Variants in COL17A1 observed in about 807,000 individuals in gnomAD.
COL17A1 encodes the protein collagen alpha-1(XVII) chain.
Under a neutral mutation model 218.4 loss-of-function variants are expected in COL17A1, and 181 were observed. The observed-to-expected ratio is 0.83, with a 90% CI of 0.73 to 0.94. The LOEUF is 0.94. Ranked by LOEUF, COL17A1 falls within the 40% of genes least tolerant of loss-of-function variation. The pLI, the probability that COL17A1 is intolerant of heterozygous loss-of-function variation, is 0.00. For synonymous variants in COL17A1, 721 were observed against 731.0 expected (o/e 0.99, Z 0.22); for missense variants, 1,924 against 1,945.9 (o/e 0.99, Z 0.21).
rs371579732 is a variant in COL17A1, at chr10:104,040,811, T to TCTCCCTGG, written c.2701+246_2701+253dup. Among the ~76,000 whole-genome samples, 256 of 152,242 alleles carry TCTCCCTGG rather than the reference T, an allele frequency of 1.7e-3. 2 individuals carry two copies. The highest frequency in any genetic ancestry group is 6.0e-3 in the African/African-American group (248 of 41,528). On this transcript the variant is annotated intron_variant, in intron 39 of 55. Coordinates refer to ENST00000648076, the MANE Select transcript of COL17A1 (RefSeq NM_000494.4). The stretch of plus-strand genomic sequence containing the variant: ...GGGCTCCCCAAGGATAGGAACCAGG[T>TCTCCCTGG]CTCCCTGGTTAGGCCAGAAGCTCCC...
In COL17A1 at chr10:104,041,355, G is replaced by T; in HGVS notation, c.2606-11C>A. On this transcript the variant is annotated splice_polypyrimidine_tract_variant and intron_variant, in intron 37 of 55. Coordinates refer to ENST00000648076, the MANE Select transcript of COL17A1 (RefSeq NM_000494.4). ...CTGGAATGGAAGGCCCTGCAGAAGA[G>T]AGCAAGGAAGAGGCCATGCTGAGCT... is the stretch of plus-strand genomic sequence containing the variant. The T allele has an allele frequency of 6.2e-7, 1 of 1,610,268 alleles. No individual in the cohort carries two copies. Among genetic ancestry groups the T allele is most frequent in the Non-Finnish European group, 8.5e-7 (1 of 1,178,490 alleles).
In COL17A1 at chr10:104,060,247, A is replaced by G. The variant is rs61731630; in HGVS notation, c.1013T>C (p.Leu338Ser). Residue 338 changes from leucine to serine, a missense_variant, in exon 14 of 56, where the codon TTG becomes TCG. Leu to Ser is a moderately radical substitution (Grantham distance 145). Coordinates refer to ENST00000648076, the MANE Select transcript of COL17A1 (RefSeq NM_000494.4). ...CTTSVQSDDL[L>S]HKDCKFLILE... ...GATCAGGAACTTGCAGTCCTTGTGC[A>G]AAAGGTCATCGCTCTGCACACTTGT... The G allele has an allele frequency of 8.4e-5, 136 of 1,614,160 alleles. No homozygotes were observed. In the African/African-American group the frequency reaches 1.6e-3, roughly 19 times the overall value.
Position 104,061,466 on chromosome 10 carries a change from C to A in COL17A1, c.918G>T (p.Gly306=), listed in dbSNP as rs1374169622. 4.3e-6 allele frequency: 7 copies of A among 1,613,220 alleles called. No homozygotes were observed. The highest frequency in any genetic ancestry group is 5.1e-6 in the Non-Finnish European group (6 of 1,179,720). ...HGTTTTSTAY[G]VKKNMPQSPA... is the part of the protein sequence containing the mutation. ...GACTCTGGGGCATGTTTTTCTTCAC[C>A]CCATATGCTGCAAGAAAGGAAGCTG... The change falls in exon 13 of 56, where the codon GGG becomes GGT. Residue 306 remains glycine, a synonymous_variant. Transcript: ENST00000648076.
intron 19 of COL17A1, 45 bp from the exon 20 acceptor site, chr10:104,055,052 C>A: frequency 1.2e-6 from 2 of 1,613,324 alleles, no homozygotes; most frequent in Non-Finnish European, 1.7e-6. Context: ...GGCAAGAACC[C>A]AAAGGCCATA....
chr10:104,041,375 T>A (rs2086357936), intron 37 of COL17A1, 31 bp from the exon 38 acceptor site: 1 of 1,608,560 alleles, frequency 6.2e-7, no homozygotes, highest in South Asian at 1.1e-5. Context: ...GAGGCCATGC[T>A]GAGCTCAGGG....
rs537055973 is a variant in COL17A1, at chr10:104,078,627, A to G, written c.53-41T>C. 25 of 1,613,374 alleles carry G rather than the reference A, an allele frequency of 1.5e-5. No homozygotes were observed. In the South Asian group the frequency reaches 2.2e-4, roughly 14 times the overall value. On this transcript the variant is annotated intron_variant, in intron 2 of 55. Transcript: ENST00000648076. ...GAAAAGATGAGTTCTTATGTAATGCACTGACACCTCTGGATCTTGGCAAGG... is the reference window on the plus strand; with the variant it reads ...GAAAAGATGAGTTCTTATGTAATGCGCTGACACCTCTGGATCTTGGCAAGG...
In COL17A1 at chr10:104,056,042, G is replaced by C. The variant is rs551610577; in HGVS notation, c.1466-39C>G. 1.9e-6 allele frequency: 3 copies of C among 1,611,008 alleles called. No homozygotes were observed. In the South Asian group the frequency reaches 3.3e-5, roughly 18 times the overall value. ...ACACACACTGCGTCACTGAGGGCCC[G>C]GTCCTTCGCCTTCCATACACTCGCT... On this transcript the variant is annotated intron_variant, in intron 17 of 55. Transcript: ENST00000648076.
chr10:104,037,035 G>T lies in COL17A1; in HGVS notation c.3277+10C>A. The T allele has an allele frequency of 1.2e-6, 2 of 1,601,262 alleles. No individual in the cohort carries two copies. Among genetic ancestry groups the T allele is most frequent in the Non-Finnish European group, 1.7e-6 (2 of 1,174,618 alleles). On this transcript the variant is annotated intron_variant, in intron 47 of 55. Transcript: ENST00000648076. ...TAGTCCCACCCTCGATCCCCCCACA[G>T]GTGACTCACGCTGCAGCACAGCCAG...
chr10:104,036,017 GGT>G (rs2086284697), intron 48 of COL17A1, among the ~76,000 whole-genome samples: 1 of 137,436 alleles, frequency 7.3e-6, no homozygotes. Flanking sequence ...AGTGTGTATG[GGT>G]GTGTCTGAGT....
intron 13 of COL17A1, 145 bp downstream of exon 13, chr10:104,061,260 G>T: frequency 1.4e-6 from 1 of 714,722 alleles, no homozygotes; most frequent in Non-Finnish European, 2.3e-6. Context: ...GGGGCAAGTT[G>T]CGTTTGCAGG....
Position 104,064,573 on chromosome 10 carries a change from T to C in COL17A1, c.631A>G (p.Ile211Val), listed in dbSNP as rs771307370. ...TGGGAGGGAAGGTTGGCATCCAGGATCGTTGCATCGTAGGTGCCTGACACT... is the reference window on the plus strand; with the variant it reads ...TGGGAGGGAAGGTTGGCATCCAGGACCGTTGCATCGTAGGTGCCTGACACT... ...QSVSGTYDAT[I>V]LDANLPSHVW... Residue 211 changes from isoleucine (I) to valine (V), a missense_variant, in exon 10 of 56, where the codon ATC (isoleucine) becomes GTC (valine). Coordinates refer to ENST00000648076, the MANE Select transcript of COL17A1 (RefSeq NM_000494.4). The C allele has an allele frequency of 2.2e-5, 35 of 1,613,596 alleles. No individual in the cohort carries two copies. Among genetic ancestry groups the C allele is most frequent in the Non-Finnish European group, 2.6e-5 (31 of 1,179,864 alleles).
At chr10:104,076,215 G>A in intron 5 of COL17A1, 86 bp downstream of exon 5, 1 of 1,603,090 alleles carries the variant, frequency 6.2e-7, no homozygotes, top group Non-Finnish European at 8.5e-7. Context: ...GGCAGACACA[G>A]GTGGCCAGCA....
rs1425797963 is a variant in COL17A1 at position 104,034,123 on chromosome 10, G to A, written c.3978C>T (p.Ala1326=). Residue 1326 remains alanine (A), a synonymous_variant, in exon 52 of 56, where the codon GCC becomes GCT. Transcript: ENST00000648076. The part of the protein sequence containing the change: ...GGAGSLGAGG[A]FGEAAGDRGP... ...CCCTGTCTCCTGCAGCTTCACCAAA[G>A]GCACCGCCTGCACCCAGGGAGCCTG... The A allele has an allele frequency of 6.8e-6, 11 of 1,613,960 alleles. No homozygotes were observed. In the East Asian group the frequency reaches 1.1e-4, roughly 16 times the overall value.
intron 24 of COL17A1, 108 bp from the exon 25 acceptor site, chr10:104,051,624 G>A: frequency 7.2e-7 from 1 of 1,385,610 alleles, no homozygotes; most frequent in East Asian, 2.3e-5. Flanking sequence ...TCCAGGTGAG[G>A]GCTGTGTGAG....
intron 46 of COL17A1, 143 bp from the exon 47 acceptor site, chr10:104,037,256 A>T: frequency 1.3e-6 from 1 of 780,458 alleles, no homozygotes; most frequent in South Asian, 1.5e-5. Flanking sequence ...GCTATTTTGA[A>T]AGCATAACAA....
At chr10:104,084,437 G>A (rs1409184622) in intron 1 of COL17A1, among the ~76,000 whole-genome samples, 1 of 151,930 alleles carries the variant, frequency 6.6e-6, no homozygotes, top group Non-Finnish European at 1.5e-5. Flanking sequence ...AGCCTCACAA[G>A]TAGCTGGGGT....
chr10:104,059,624 A>T lies in COL17A1; in HGVS notation c.1222+14T>A, dbSNP rs370628366. 5 of 1,612,116 alleles carry T rather than the reference A, an allele frequency of 3.1e-6. No individual in the cohort carries two copies. The highest frequency in any genetic ancestry group is 4.2e-6 in the Non-Finnish European group (5 of 1,178,244). ...GCTGAAGTCAAGGTGGACAACAATC[A>T]TATTTGTTCTTACCATTAGCTTCGG... On this transcript the variant is annotated intron_variant, in intron 15 of 55. Transcript: ENST00000648076.
chr10:104,035,628 G>A (rs1259589522), intron 48 of COL17A1, 65 bp from the exon 49 acceptor site: 13 of 1,294,882 alleles, frequency 1.0e-5, no homozygotes, highest in Non-Finnish European at 1.3e-5. Flanking sequence ...CAGAGAGGAG[G>A]TCGGATACAG....
intron 29 of COL17A1, 109 bp downstream of exon 29, chr10:104,049,300 T>C (rs919059261): frequency 2.1e-6 from 2 of 967,242 alleles, no homozygotes; most frequent in Admixed American, 3.6e-5. Flanking sequence ...CTACCAGGAG[T>C]GGGCAGATTA....
Sources: allele counts gnomAD v4.1 joint callset (sites outside exome capture counted in the v4.1 genomes callset), GRCh38; gene constraint gnomAD v4.1.1; transcripts MANE v1.5; gene names NCBI Gene and HGNC (gene_info 2026-07-23, HGNC 2026-07-21).